The following SELENOF variants were observed in gnomAD, a reference collection of about 807,000 sequenced individuals.
SELENOF encodes selenoprotein F.
Under a neutral mutation model 20.5 loss-of-function variants are expected in SELENOF, and 16 were observed. The ratio of observed to expected loss-of-function variants is 0.78; its 90% CI spans 0.53 to 1.19. The LOEUF (loss-of-function observed/expected upper bound fraction) is 1.19, where lower values mean the gene tolerates loss of function less well. SELENOF is among the 50% of genes most tolerant of loss of function. SELENOF has a pLI of 0.00. For synonymous variants in SELENOF, 78 were observed against 74.5 expected, an observed-to-expected ratio of 1.05 and a Z score of -0.24; for missense variants, 215 against 194.2, an observed-to-expected ratio of 1.11 and a Z score of -0.64.
chr1:86,912,377 T>C (rs2740771), intron 1 of SELENOF, among the ~76,000 whole-genome samples: 14,148 of 152,218 alleles, frequency 0.093, 764 homozygotes, highest in Non-Finnish European at 0.12. Flanking sequence ...TTAATTCCTA[T>C]CATTATTACA....
chr1:86,866,459 G>C (rs1381119835), intron 4 of SELENOF, among the ~76,000 whole-genome samples: 1 of 150,896 alleles, frequency 6.6e-6, no homozygotes, highest in Non-Finnish European at 1.5e-5. Context: ...GGCGGGGGTG[G>C]TGGTGGGCAC....
intron 2 of SELENOF, among the ~76,000 whole-genome samples, chr1:86,891,450 G>T (rs1375542413): frequency 6.6e-6 from 1 of 152,092 alleles, no homozygotes; most frequent in Non-Finnish European, 1.5e-5. Context: ...AGTTTATTTT[G>T]ATTCTGAGGT....
In SELENOF at chr1:86,863,180, A is replaced by G; in HGVS notation, c.*294T>C. The G allele has an allele frequency of 3.9e-6, 1 of 254,616 alleles. No homozygotes were observed. Among genetic ancestry groups the G allele is most frequent in the Non-Finnish European group, 7.5e-6 (1 of 133,382 alleles). The allele number at this position is 254,616 out of a possible 1,614,324, so 15.8% of individuals were successfully genotyped here. ...AGAAATCTGTTGTTCGTAAAACTGGACCAATTATCACAAACTATCATTTGC... is the reference window on the plus strand; with the variant it reads ...AGAAATCTGTTGTTCGTAAAACTGGGCCAATTATCACAAACTATCATTTGC... On this transcript the variant is annotated 3_prime_UTR_variant, in exon 5 of 5. Transcript: ENST00000331835.
At chr1:86,901,634 T>C (rs960687149) in intron 2 of SELENOF, among the ~76,000 whole-genome samples, 4 of 152,206 alleles carry the variant, frequency 2.6e-5, no homozygotes, top group African/African-American at 9.6e-5. Flanking sequence ...AGATCTACTT[T>C]TATTGCTGAG....
At chr1:86,893,505 C>A (rs1485265480) in intron 2 of SELENOF, among the ~76,000 whole-genome samples, 3 of 151,400 alleles carry the variant, frequency 2.0e-5, no homozygotes, top group African/African-American at 7.3e-5. Context: ...GTAGTCCCAG[C>A]TACTCAGGAG....
intron 1 of SELENOF, among the ~76,000 whole-genome samples, chr1:86,908,765 A>G (rs1344016830): frequency 6.6e-6 from 1 of 152,206 alleles, no homozygotes. Flanking sequence ...GAATGAGAAA[A>G]TATTACACAT....
At chr1:86,876,200 G>A (rs1416058135) in intron 3 of SELENOF, among the ~76,000 whole-genome samples, 1 of 151,836 alleles carries the variant, frequency 6.6e-6, no homozygotes, top group African/African-American at 2.4e-5. Flanking sequence ...GACTATGAAG[G>A]TTATTACTGA....
At chr1:86,909,997 A>T (rs937506656) in intron 1 of SELENOF, among the ~76,000 whole-genome samples, 25 of 152,246 alleles carry the variant, frequency 1.6e-4, no homozygotes, top group African/African-American at 5.3e-4. Context: ...TCAAAAAAAA[A>T]GTATGATGAT....
chr1:86,867,705 G>A (rs947631727), intron 4 of SELENOF, among the ~76,000 whole-genome samples: 1 of 137,000 alleles, frequency 7.3e-6, no homozygotes, highest in Non-Finnish European at 1.5e-5. Context: ...ATGCTAATGC[G>A]AACTATTAAA....
chr1:86,912,891 C>G (rs1219402525), intron 1 of SELENOF, among the ~76,000 whole-genome samples: 1 of 151,954 alleles, frequency 6.6e-6, no homozygotes, highest in African/African-American at 2.4e-5. Flanking sequence ...AGACAACTGA[C>G]AGTCAAAGAC....
chr1:86,903,248 A>G, intron 2 of SELENOF, 33 bp downstream of exon 2: 2 of 1,575,442 alleles, frequency 1.3e-6, no homozygotes, highest in Non-Finnish European at 1.7e-6. Flanking sequence ...CAACTAAACC[A>G]TCCAATGGAA....
intron 3 of SELENOF, among the ~76,000 whole-genome samples, chr1:86,878,293 T>C (rs535379861): frequency 6.6e-6 from 1 of 152,334 alleles, no homozygotes; most frequent in African/African-American, 2.4e-5. Flanking sequence ...TAATTTAAAT[T>C]AAGTGACCTT....
At chr1:86,867,490 T>TCAACAACAA (rs71082044) in intron 4 of SELENOF, among the ~76,000 whole-genome samples, 2,223 of 147,780 alleles carry the variant, frequency 0.015, 36 homozygotes, top group African/African-American at 0.033. Flanking sequence ...AGACTCCGTC[T>TCAACAACAA]CAACAACAAC....
chr1:86,889,322 G>A (rs370397020), intron 2 of SELENOF, among the ~76,000 whole-genome samples: 3 of 152,108 alleles, frequency 2.0e-5, no homozygotes, highest in African/African-American at 7.2e-5. Flanking sequence ...TTGGCTGGGC[G>A]CGGTGGCTCA....
chr1:86,871,032 G>A (rs1359384959), intron 3 of SELENOF, among the ~76,000 whole-genome samples: 2 of 151,808 alleles, frequency 1.3e-5, no homozygotes, highest in Non-Finnish European at 1.5e-5. Flanking sequence ...TTCTCTCTCT[G>A]CTAAACGTAG....
chr1:86,895,552 A>G (rs1659499422), intron 2 of SELENOF, among the ~76,000 whole-genome samples: 1 of 152,234 alleles, frequency 6.6e-6, no homozygotes, highest in African/African-American at 2.4e-5. Context: ...ACACACAGTA[A>G]TCAGGTAATT....
intron 3 of SELENOF, among the ~76,000 whole-genome samples, chr1:86,879,970 T>C (rs1415643636): frequency 6.6e-6 from 1 of 152,198 alleles, no homozygotes; most frequent in African/African-American, 2.4e-5. Flanking sequence ...CTTAATGCAA[T>C]TGTTCCACAT....
intron 3 of SELENOF, among the ~76,000 whole-genome samples, chr1:86,873,026 G>A (rs538687713): frequency 2.1e-4 from 32 of 150,314 alleles, no homozygotes; most frequent in Non-Finnish European, 2.7e-4. Flanking sequence ...CAGCCTGGGC[G>A]ACAGTGTGAC....
chr1:86,910,578 C>T (rs956927209), intron 1 of SELENOF, among the ~76,000 whole-genome samples: 1 of 152,066 alleles, frequency 6.6e-6, no homozygotes, highest in Non-Finnish European at 1.5e-5. Context: ...GTGGCGTGCA[C>T]CTGTAATCCC....
Sources: gnomAD v4.1 joint callset for allele counts (sites outside exome capture counted in the v4.1 genomes callset) on GRCh38, gnomAD v4.1.1 for gene constraint, MANE v1.5 for transcripts, NCBI Gene and HGNC (gene_info 2026-07-23, HGNC 2026-07-21) for gene names.